The following SLC10A7 variants were observed in gnomAD, a reference collection of about 807,000 sequenced individuals.
The protein encoded by SLC10A7 is solute carrier family 10 member 7, also known as sodium/bile acid cotransporter 7.
Under a neutral mutation model 43.2 loss-of-function variants are expected in SLC10A7, and 29 were observed. The observed-to-expected ratio is 0.67, with a 90% CI of 0.50 to 0.92. The LOEUF is 0.92. SLC10A7 is among the 40% of genes least tolerant of loss of function. The pLI is 0.00. For synonymous variants in SLC10A7, 152 were observed against 144.8 expected, an observed-to-expected ratio of 1.05 and a Z score of -0.35; for missense variants, 295 against 403.2, an observed-to-expected ratio of 0.73 and a Z score of 2.30.
chr4:146,505,256 A>G (rs1415568870), intron 3 of SLC10A7, among the ~76,000 whole-genome samples: 4 of 152,224 alleles, frequency 2.6e-5, no homozygotes, highest in Non-Finnish European at 1.5e-5. Context: ...GACAAAAATG[A>G]AGACCTGTAT....
At position 146,293,904 on chromosome 4, in the gene SLC10A7, C is replaced by T. The variant is rs1365054094; in HGVS notation, c.721+26G>A. The T allele has an allele frequency of 3.2e-6, 5 of 1,584,934 alleles. No homozygotes were observed. In the East Asian group the frequency reaches 6.7e-5, roughly 21 times the overall value. ...TGCTATTGAGGACACTGAGGGATAG[C>T]CAGGCTATCCCATTTTCCAACTTAC... On this transcript the variant is annotated intron_variant, in intron 8 of 11. Transcript: ENST00000335472.
chr4:146,361,511 T>C (rs1736046901), intron 5 of SLC10A7, among the ~76,000 whole-genome samples: 1 of 152,142 alleles, frequency 6.6e-6, no homozygotes. Flanking sequence ...AGTTGCAGTA[T>C]TGCTGGGCTT....
At chr4:146,428,891 A>C (rs904320913) in intron 5 of SLC10A7, among the ~76,000 whole-genome samples, 2 of 152,158 alleles carry the variant, frequency 1.3e-5, no homozygotes, top group Non-Finnish European at 2.9e-5. Flanking sequence ...ATTTGTAGTA[A>C]TCACACTTGT....
intron 7 of SLC10A7, among the ~76,000 whole-genome samples, chr4:146,296,631 C>T (rs1241272407): frequency 6.6e-6 from 1 of 152,184 alleles, no homozygotes; most frequent in Non-Finnish European, 1.5e-5. Flanking sequence ...AGCAGATTGT[C>T]TTTCACCATT....
chr4:146,513,501 T>A (rs1218536168), intron 2 of SLC10A7, among the ~76,000 whole-genome samples: 2 of 152,206 alleles, frequency 1.3e-5, no homozygotes, highest in African/African-American at 4.8e-5. Context: ...TAAATACCAC[T>A]TTTATTACAA....
intron 11 of SLC10A7, among the ~76,000 whole-genome samples, chr4:146,257,440 T>C (rs573714269): frequency 4.6e-5 from 7 of 152,320 alleles, no homozygotes; most frequent in African/African-American, 1.7e-4. Flanking sequence ...CATTTCTATC[T>C]GGAGTGTCAT....
intron 4 of SLC10A7, among the ~76,000 whole-genome samples, chr4:146,445,944 C>T (rs1731034723): frequency 6.6e-6 from 1 of 151,586 alleles, no homozygotes. Context: ...CACGGGAGTC[C>T]CCTGAGTCTG....
intron 5 of SLC10A7, among the ~76,000 whole-genome samples, chr4:146,353,353 T>C (rs1735289751): frequency 8.0e-6 from 1 of 124,632 alleles, no homozygotes; most frequent in African/African-American, 3.2e-5. Context: ...GTTGAATCTC[T>C]GAATAGACCA....
rs186328510 is a variant in SLC10A7, at chr4:146,414,764, C to T, written c.435+28019G>A. Among the ~76,000 whole-genome samples, 15 of 149,224 alleles carry T rather than the reference C, an allele frequency of 1.0e-4. No individual in the cohort carries two copies. The East Asian group carries it at 2.9e-3, about 29-fold the overall frequency. On this transcript the variant is annotated intron_variant, in intron 5 of 11. Transcript: ENST00000335472. ...ACTGAGAAAACTGCTTAAGAGCTTA[C>T]ACAGACATCTGTTCATGACTTTTAT...
At chr4:146,292,069 T>C (rs370014255) in intron 9 of SLC10A7, among the ~76,000 whole-genome samples, 49 of 152,256 alleles carry the variant, frequency 3.2e-4, no homozygotes, top group African/African-American at 1.1e-3. Flanking sequence ...TGAGAAAGCA[T>C]GAGGTCTTTC....
chr4:146,287,698 C>G (rs1480291631), intron 9 of SLC10A7, among the ~76,000 whole-genome samples: 1 of 152,154 alleles, frequency 6.6e-6, no homozygotes, highest in African/African-American at 2.4e-5. Context: ...ATGTGATCAG[C>G]TGTCCTAGGT....
In SLC10A7 at chr4:146,339,052, G is replaced by C. The variant is rs1052643534; in HGVS notation, c.436-13056C>G. On this transcript the variant is annotated intron_variant, in intron 5 of 11. Transcript: ENST00000335472. ...ACAGAGAAAGGAGGCAATGGAAAGT[G>C]ACTTGAGGGAGATTTGGGGAAGGGG... is the stretch of plus-strand genomic sequence containing the variant. Among the ~76,000 whole-genome samples, 4 of 151,910 alleles carry C rather than the reference G, an allele frequency of 2.6e-5. No homozygotes were observed. The South Asian group carries it at 8.3e-4, about 31-fold the overall frequency.
intron 5 of SLC10A7, among the ~76,000 whole-genome samples, chr4:146,380,759 AT>A (rs890406057): frequency 2.0e-5 from 3 of 152,010 alleles, no homozygotes; most frequent in Admixed American, 2.0e-4. Flanking sequence ...TATTGTAGGA[AT>A]TTTTTTCTTT....
Position 146,305,955 on chromosome 4 carries a change from T to C in SLC10A7, c.526A>G (p.Thr176Ala). The change falls in exon 7 of 12, where the codon ACT becomes GCT. Residue 176 changes from threonine (T) to alanine (A), a missense_variant. Physicochemically the swap from Thr to Ala is moderately conservative, Grantham distance 58. This residue lies in a region of SLC10A7 where 242 missense variants were observed against 362.5 expected (regional missense o/e 0.67). Transcript: ENST00000335472. ...FTSIFSQLFMTVVVPLIIGQI... is the reference protein window; with the variant it reads ...FTSIFSQLFMAVVVPLIIGQI... ...CCAATGATGAGAGGAACCACAACAG[T>C]CATAAAAAGCTGAGAAAAAATAGAT... is the stretch of plus-strand genomic sequence containing the variant. 2 of 1,609,874 alleles carry C rather than the reference T, an allele frequency of 1.2e-6. No homozygotes were observed. The highest frequency in any genetic ancestry group is 1.7e-6 in the Non-Finnish European group (2 of 1,178,392).
intron 5 of SLC10A7, among the ~76,000 whole-genome samples, chr4:146,351,281 A>G (rs1369774507): frequency 6.6e-6 from 1 of 150,556 alleles, no homozygotes; most frequent in East Asian, 2.0e-4. Context: ...AAAGGGTATC[A>G]GCAATGGAAG....
At chr4:146,422,900 T>C (rs922149495) in intron 5 of SLC10A7, among the ~76,000 whole-genome samples, 4 of 152,252 alleles carry the variant, frequency 2.6e-5, no homozygotes, top group Admixed American at 6.5e-5. Context: ...TCTTTACATG[T>C]CCTTTCATAT....
At position 146,305,959 on chromosome 4, in the gene SLC10A7, A is replaced by G; in HGVS notation, c.522T>C (p.Phe174=). 1 of 1,610,846 alleles carries G rather than the reference A, an allele frequency of 6.2e-7. No homozygotes were observed. Among genetic ancestry groups the G allele is most frequent in the South Asian group, 1.1e-5 (1 of 90,444 alleles). The change falls in exon 7 of 12, where the codon TTT becomes TTC. Residue 174 remains phenylalanine (F), a synonymous_variant. Coordinates refer to ENST00000335472, the MANE Select transcript of SLC10A7 (RefSeq NM_001029998.6). ...VPFTSIFSQL[F]MTVVVPLIIG... ...TGATGAGAGGAACCACAACAGTCAT[A>G]AAAAGCTGAGAAAAAATAGATGTGA... is the stretch of plus-strand genomic sequence containing the variant.
chr4:146,461,004 C>T (rs1404997096), intron 4 of SLC10A7, among the ~76,000 whole-genome samples: 2 of 151,970 alleles, frequency 1.3e-5, no homozygotes, highest in Non-Finnish European at 2.9e-5. Context: ...CACCAAATTT[C>T]TGTTACTACT....
chr4:146,446,780 CTATCTATCTATCTATT>C lies in SLC10A7; in HGVS notation c.397-3975_397-3960del, dbSNP rs1442367057. The stretch of plus-strand genomic sequence containing the variant: ...TCTATCTATCTATCTATCTATCTAT[CTATCTATCTATCTATT>C]TATCTATCTATAGTGAAACAAATCA... On this transcript the variant is annotated intron_variant, in intron 4 of 11. Transcript: ENST00000335472. 8.8e-4 allele frequency among the ~76,000 whole-genome samples: 133 copies of C among 151,564 alleles called. 1 individual carries two copies. The highest frequency in any genetic ancestry group is 1.0e-3 in the South Asian group (5 of 4,784).
Sources: allele counts gnomAD v4.1 joint callset (sites outside exome capture counted in the v4.1 genomes callset), GRCh38; gene constraint gnomAD v4.1.1; regional missense constraint gnomAD v4.1.1; transcripts MANE v1.5; gene names NCBI Gene and HGNC (gene_info 2026-07-23, HGNC 2026-07-21).